PRKD1: variants seen among roughly 807,000 people sequenced by gnomAD.
The protein encoded by PRKD1 is protein kinase D1.
In PRKD1, 63 loss-of-function variants were observed where a neutral mutation model predicts 95.9. That is an observed-to-expected ratio of 0.66 (90% CI 0.54 to 0.81). PRKD1 has a LOEUF of 0.81. Ranked by LOEUF, PRKD1 falls within the 30% of genes least tolerant of loss-of-function variation. The pLI is 0.00. For synonymous variants in PRKD1, 425 were observed against 423.1 expected (o/e 1.00, Z -0.05); for missense variants, 1,048 against 1,165.3 (o/e 0.90, Z 1.47).
Position 29,891,550 on chromosome 14 carries a change from T to G in PRKD1, c.264+35699A>C, listed in dbSNP as rs533504984. ...GTCTATTTCAGCACCTCCTCTTCTG[T>G]GAGGACTTTTCTGGTGGCTCTAACT... is the stretch of plus-strand genomic sequence containing the variant. On this transcript the variant is annotated intron_variant, in intron 1 of 17. Coordinates refer to ENST00000331968, the MANE Select transcript of PRKD1 (RefSeq NM_002742.3). 3.9e-5 allele frequency among the ~76,000 whole-genome samples: 6 copies of G among 152,240 alleles called. No individual in the cohort carries two copies. In the South Asian group the frequency reaches 6.2e-4, roughly 16 times the overall value.
chr14:29,711,701 T>C (rs1885342438), intron 2 of PRKD1, among the ~76,000 whole-genome samples: 1 of 152,190 alleles, frequency 6.6e-6, no homozygotes, highest in African/African-American at 2.4e-5. Flanking sequence ...AACTGTCATA[T>C]GGATCTTTTA....
chr14:29,634,566 G>A (rs1880244915), intron 7 of PRKD1, 25 bp from the exon 8 acceptor site: 1 of 1,612,094 alleles, frequency 6.2e-7, no homozygotes, highest in Admixed American at 1.7e-5. Context: ...ATATTGTAGG[G>A]AAAAAATGTT....
At chr14:29,870,569 G>A (rs757634721) in intron 1 of PRKD1, among the ~76,000 whole-genome samples, 5 of 152,198 alleles carry the variant, frequency 3.3e-5, no homozygotes, top group African/African-American at 1.2e-4. Context: ...TGAATACAGA[G>A]GAGGGAAACT....
chr14:29,699,561 T>A (rs1449128398), intron 2 of PRKD1, among the ~76,000 whole-genome samples: 2 of 152,202 alleles, frequency 1.3e-5, no homozygotes, highest in Non-Finnish European at 2.9e-5. Context: ...GTTAATCCTT[T>A]GCCTTTTATG....
At position 29,779,626 on chromosome 14, in the gene PRKD1, C is replaced by T. The variant is rs926623177; in HGVS notation, c.265-53952G>A. ...AGGAGAACTACAAACCACTGCTCAA[C>T]GAAATAAAAGAGGACACAAACAAAT... On this transcript the variant is annotated intron_variant, in intron 1 of 17. Transcript: ENST00000331968. 8.6e-5 allele frequency among the ~76,000 whole-genome samples: 13 copies of T among 151,594 alleles called. No homozygotes were observed. In the East Asian group the frequency reaches 1.9e-3, roughly 23 times the overall value.
intron 1 of PRKD1, among the ~76,000 whole-genome samples, chr14:29,810,031 C>T (rs1168532089): frequency 1.3e-5 from 2 of 152,094 alleles, no homozygotes; most frequent in Non-Finnish European, 2.9e-5. Context: ...GAGGCCTAAA[C>T]AGAAGGAGGG....
At chr14:29,616,370 T>C (rs766477886) in intron 13 of PRKD1, among the ~76,000 whole-genome samples, 10 of 151,030 alleles carry the variant, frequency 6.6e-5, no homozygotes, top group Non-Finnish European at 1.0e-4. Context: ...AAATTTGAAG[T>C]GTGGGAGAGA....
chr14:29,766,703 T>C (rs1256345115), intron 1 of PRKD1, among the ~76,000 whole-genome samples: 1 of 152,202 alleles, frequency 6.6e-6, no homozygotes, highest in Non-Finnish European at 1.5e-5. Context: ...ATCCAATTCA[T>C]AGGTTCTTCA....
At chr14:29,668,168 G>A (rs1485039459) in intron 2 of PRKD1, among the ~76,000 whole-genome samples, 1 of 151,988 alleles carries the variant, frequency 6.6e-6, no homozygotes, top group African/African-American at 2.4e-5. Flanking sequence ...GCACCCTGGG[G>A]GAAATCAGCA....
chr14:29,606,823 ATTT>A (rs777315048), intron 13 of PRKD1, among the ~76,000 whole-genome samples: 4 of 152,044 alleles, frequency 2.6e-5, no homozygotes, highest in Non-Finnish European at 5.9e-5. Context: ...AACTCCTCTT[ATTT>A]TTTTATTTAA....
At chr14:29,744,876 C>T (rs948371127) in intron 1 of PRKD1, among the ~76,000 whole-genome samples, 15 of 152,120 alleles carry the variant, frequency 9.9e-5, no homozygotes, top group African/African-American at 3.6e-4. Flanking sequence ...TGTGTCAGAT[C>T]AAAGCCCTCC....
intron 2 of PRKD1, among the ~76,000 whole-genome samples, chr14:29,714,950 G>T (rs868792329): frequency 2.2e-4 from 34 of 152,116 alleles, no homozygotes; most frequent in African/African-American, 7.5e-4. Flanking sequence ...CACACACCGG[G>T]GCCCGTTGGG....
At chr14:29,896,800 G>A (rs188138003) in intron 1 of PRKD1, among the ~76,000 whole-genome samples, 96 of 151,394 alleles carry the variant, frequency 6.3e-4, no homozygotes, top group East Asian at 4.3e-3. Flanking sequence ...AATGAATCTC[G>A]TCAGAGCCTT....
At chr14:29,750,318 A>G (rs893025548) in intron 1 of PRKD1, among the ~76,000 whole-genome samples, 4 of 152,178 alleles carry the variant, frequency 2.6e-5, no homozygotes, top group African/African-American at 9.7e-5. Flanking sequence ...AACAAAACCA[A>G]TTTTACCATA....
intron 1 of PRKD1, among the ~76,000 whole-genome samples, chr14:29,734,166 C>T (rs1886603220): frequency 6.6e-6 from 1 of 150,738 alleles, no homozygotes; most frequent in South Asian, 2.1e-4. Context: ...CCTCAGCCTC[C>T]CGAGTAGCTG....
intron 1 of PRKD1, among the ~76,000 whole-genome samples, chr14:29,826,712 TATATATATAC>T (rs1566622481): frequency 3.4e-4 from 13 of 38,612 alleles, no homozygotes; most frequent in African/African-American, 1.3e-3. Flanking sequence ...TATATACACA[TATATATATAC>T]ATATATATAC....
intron 16 of PRKD1, among the ~76,000 whole-genome samples, chr14:29,583,495 G>A (rs1594337356): frequency 6.6e-6 from 1 of 152,074 alleles, no homozygotes; most frequent in Admixed American, 6.6e-5. Context: ...CAACCTTTTC[G>A]AAAAGTGGTA....
chr14:29,690,950 C>T (rs748516676), intron 2 of PRKD1, among the ~76,000 whole-genome samples: 13 of 152,174 alleles, frequency 8.5e-5, no homozygotes, highest in Non-Finnish European at 1.5e-4. Flanking sequence ...CTTGTCTTTA[C>T]CGTGGTAATG....
chr14:29,774,526 G>A (rs529761014), intron 1 of PRKD1, among the ~76,000 whole-genome samples: 3 of 152,276 alleles, frequency 2.0e-5, no homozygotes, highest in South Asian at 4.1e-4. Flanking sequence ...CATTTCATAT[G>A]CATGAGTTAG....
Sources: gnomAD v4.1 joint callset for allele counts (sites outside exome capture counted in the v4.1 genomes callset) on GRCh38, gnomAD v4.1.1 for gene constraint, MANE v1.5 for transcripts, NCBI Gene and HGNC (gene_info 2026-07-23, HGNC 2026-07-21) for gene names.